The following HERC2 variants were observed in gnomAD, a reference collection of about 807,000 sequenced individuals.
HERC2 encodes HECT and RLD domain containing E3 ubiquitin protein ligase 2, also known as E3 ubiquitin-protein ligase HERC2.
A neutral mutation model predicts 537.7 loss-of-function variants in HERC2; 102 were observed. That is an observed-to-expected ratio of 0.19 (90% CI 0.16 to 0.22). The LOEUF is 0.22. Among genes scored for constraint, HERC2 ranks in the 10% least tolerant of loss-of-function variants. HERC2 has a pLI of 1.00. For missense variants in HERC2, 4,236 were observed against 6,198.2 expected, an observed-to-expected ratio of 0.68 and a Z score of 10.63; for synonymous variants, 2,224 against 2,466.2, an observed-to-expected ratio of 0.90 and a Z score of 2.91.
At chr15:28,134,984 T>C (rs112676833) in intron 79 of HERC2, among the ~76,000 whole-genome samples, 4,741 of 152,164 alleles carry the variant, frequency 0.031, 232 homozygotes, top group African/African-American at 0.11. Flanking sequence ...GTTTAATATA[T>C]TTTATATGGT....
At chr15:28,212,955 T>TA (rs1176449306) in intron 42 of HERC2, 3 of 193,768 alleles carry the variant, frequency 1.5e-5, no homozygotes, top group African/African-American at 7.1e-5. Context: ...CTCACGCCTG[T>TA]AATCCCAGCA....
chr15:28,135,415 C>G, intron 79 of HERC2, 63 bp downstream of exon 79: 1 of 1,271,194 alleles, frequency 7.9e-7, no homozygotes, highest in Non-Finnish European at 1.1e-6. Context: ...TAGATTGTAG[C>G]AGCATTAAAA....
At chr15:28,240,709 T>C (rs1457620544) in intron 23 of HERC2, among the ~76,000 whole-genome samples, 2 of 151,774 alleles carry the variant, frequency 1.3e-5, no homozygotes, top group Non-Finnish European at 2.9e-5. Context: ...TACAGAAAAA[T>C]GGAATAGAAT....
intron 70 of HERC2, among the ~76,000 whole-genome samples, chr15:28,150,694 A>T (rs1384624983): frequency 6.6e-6 from 1 of 151,800 alleles, no homozygotes; most frequent in African/African-American, 2.4e-5. Flanking sequence ...ATTCTAGTGA[A>T]ATTACAGAAA....
chr15:28,128,063 G>T (rs1012588643), intron 83 of HERC2, among the ~76,000 whole-genome samples: 5 of 152,156 alleles, frequency 3.3e-5, no homozygotes, highest in African/African-American at 1.2e-4. Context: ...GAACTGTGAC[G>T]ATCAAAGACA....
At chr15:28,131,985 A>G in intron 81 of HERC2, 115 bp downstream of exon 81, 1 of 845,918 alleles carries the variant, frequency 1.2e-6, no homozygotes, top group Non-Finnish European at 1.8e-6. Flanking sequence ...GCTCCTAAGG[A>G]GCACACACGG....
chr15:28,132,843 C>A lies in HERC2; in HGVS notation c.12231-13G>T. Reference sequence around the variant, plus strand: ...GCGGTCACACGGACTGCAAAAAAGTCACCAAATATAATGGAAACACATTTT... The same window carrying A: ...GCGGTCACACGGACTGCAAAAAAGTAACCAAATATAATGGAAACACATTTT... On this transcript the variant is annotated splice_polypyrimidine_tract_variant and intron_variant, in intron 79 of 92. Transcript: ENST00000261609. The A allele has an allele frequency of 6.6e-7, 1 of 1,520,480 alleles. No homozygotes were observed. Among genetic ancestry groups the A allele is most frequent in the Non-Finnish European group, 8.9e-7 (1 of 1,129,890 alleles). The allele number at this position is 1,520,480 out of a possible 1,614,324, so 94.2% of individuals were successfully genotyped here. A position where few individuals can be genotyped will look rare whatever the true frequency, so the allele number is the denominator to read the frequency against.
At chr15:28,313,064 C>T (rs1298883365) in intron 2 of HERC2, among the ~76,000 whole-genome samples, 21 of 152,070 alleles carry the variant, frequency 1.4e-4, no homozygotes, top group African/African-American at 4.8e-4. Flanking sequence ...GGCTTATTCG[C>T]TTCCCACCAA....
intron 76 of HERC2, 44 bp from the exon 77 acceptor site, chr15:28,141,890 A>C: frequency 1.5e-6 from 2 of 1,376,112 alleles, no homozygotes; most frequent in Non-Finnish European, 2.1e-6. Context: ...CACTTATCTC[A>C]AACAAAATAG....
chr15:28,186,553 G>A, intron 56 of HERC2, 24 bp downstream of exon 56: 2 of 1,597,936 alleles, frequency 1.3e-6, no homozygotes, highest in Admixed American at 1.7e-5. Flanking sequence ...AGGTAAGTGA[G>A]CACCTGTAAC....
chr15:28,299,215 C>T (rs1596429923), intron 3 of HERC2, among the ~76,000 whole-genome samples, 187 bp downstream of exon 3: 1 of 151,994 alleles, frequency 6.6e-6, no homozygotes, highest in Non-Finnish European at 1.5e-5. Context: ...CTTCAATTAA[C>T]GTAAAACAAT....
chr15:28,171,196 C>A (rs1894661042), intron 65 of HERC2, among the ~76,000 whole-genome samples: 1 of 152,166 alleles, frequency 6.6e-6, no homozygotes, highest in Non-Finnish European at 1.5e-5. Flanking sequence ...AATGACATGG[C>A]AGTTTTATTT....
intron 2 of HERC2, among the ~76,000 whole-genome samples, chr15:28,318,721 G>T (rs905036928): frequency 1.3e-5 from 2 of 152,150 alleles, no homozygotes; most frequent in Non-Finnish European, 2.9e-5. Flanking sequence ...GTTGCTGGAT[G>T]TAGGGCCCTA....
intron 44 of HERC2, among the ~76,000 whole-genome samples, chr15:28,209,508 T>C (rs1030373342): frequency 1.3e-5 from 2 of 152,046 alleles, no homozygotes; most frequent in African/African-American, 4.8e-5. Context: ...CACGCCCAGC[T>C]AATTTTTTGT....
chr15:28,247,001 A>G, intron 21 of HERC2, 104 bp from the exon 22 acceptor site: 2 of 1,003,910 alleles, frequency 2.0e-6, no homozygotes, highest in East Asian at 2.6e-5. Flanking sequence ...TCTTTTACCC[A>G]TAATAATTTT....
rs775427770 is a variant in HERC2 at position 28,113,212 on chromosome 15, G to A, written c.14091C>T (p.Ser4697=). The stretch of plus-strand genomic sequence containing the variant: ...CCCAGAACCACTGGATCAGCGATGC[G>A]GAAGGCTCGATGCCTTTATAGGTGG... ...SVATYKGIEP[S]ASLIQWFWEV... Residue 4697 remains serine, a synonymous_variant, in exon 92 of 93, where the codon TCC becomes TCT. Coordinates refer to ENST00000261609, the MANE Select transcript of HERC2 (RefSeq NM_004667.6). The surrounding 1 kb of genome is among the most constrained non-coding windows in gnomAD (Gnocchi z 7.0). 1.4e-5 allele frequency: 23 copies of A among 1,614,046 alleles called. No individual in the cohort carries two copies. Among genetic ancestry groups the A allele is most frequent in the Admixed American group, 1.0e-4 (6 of 60,006 alleles).
chr15:28,164,198 G>A (rs984283039), intron 68 of HERC2, among the ~76,000 whole-genome samples: 1 of 152,182 alleles, frequency 6.6e-6, no homozygotes. Context: ...GGGAAGTGCC[G>A]CTTTTCTCTC....
At chr15:28,156,116 G>A (rs1596075961) in intron 69 of HERC2, among the ~76,000 whole-genome samples, 2 of 152,210 alleles carry the variant, frequency 1.3e-5, no homozygotes, top group South Asian at 2.1e-4. Flanking sequence ...TGTTCCATTG[G>A]TCTATATCTC....
chr15:28,311,802 G>T (rs1216430427), intron 2 of HERC2, among the ~76,000 whole-genome samples: 2 of 152,142 alleles, frequency 1.3e-5, no homozygotes, highest in African/African-American at 2.4e-5. Flanking sequence ...CCCCAGACTG[G>T]CTGGGCTCCA....
Sources: allele counts gnomAD v4.1 joint callset (sites outside exome capture counted in the v4.1 genomes callset), GRCh38; gene constraint gnomAD v4.1.1; non-coding constraint Gnocchi (gnomAD v3.1); transcripts MANE v1.5; gene names NCBI Gene and HGNC (gene_info 2026-07-23, HGNC 2026-07-21).